Variants in SYN3 observed in about 807,000 individuals in gnomAD.
The protein encoded by SYN3 is synapsin-3.
SYN3 carries 35 observed loss-of-function variants against 65.8 expected under a neutral mutation model. That is an observed-to-expected ratio of 0.53 (90% CI 0.41 to 0.70). The LOEUF (loss-of-function observed/expected upper bound fraction) is 0.70, where lower values mean the gene tolerates loss of function less well. Among genes scored for constraint, SYN3 ranks in the 30% least tolerant of loss-of-function variants. SYN3 has a pLI of 0.00. For missense variants in SYN3, 680 were observed against 749.0 expected (o/e 0.91, Z 1.08); for synonymous variants, 270 against 292.9 (o/e 0.92, Z 0.80).
chr22:32,928,443 G>A (rs2050538416), intron 4 of SYN3, among the ~76,000 whole-genome samples: 2 of 152,218 alleles, frequency 1.3e-5, no homozygotes, highest in South Asian at 2.1e-4. Flanking sequence ...CTACAGTTGG[G>A]CAAAATCTTT....
In SYN3 at chr22:32,801,246, A is replaced by G. The variant is rs2046565146; in HGVS notation, c.711+63669T>C. 6.6e-6 allele frequency among the ~76,000 whole-genome samples: 1 copy of G among 152,220 alleles called. No individual in the cohort carries two copies. The highest frequency in any genetic ancestry group is 2.1e-4 in the South Asian group (1 of 4,836). On this transcript the variant is annotated intron_variant, in intron 6 of 13. Transcript: ENST00000358763. This position sits in a 1 kb window ranked among gnomAD's most constrained non-coding sequence, Gnocchi z 4.7. ...CTCTCTCCAGAGAAACTGGAGGGGT[A>G]GCAGTTAGCATTCCCCCGCTGGTTC...
chr22:32,783,672 C>T (rs1014477995), intron 6 of SYN3, among the ~76,000 whole-genome samples: 2 of 152,194 alleles, frequency 1.3e-5, no homozygotes, highest in Non-Finnish European at 2.9e-5. Flanking sequence ...CCTGCTCTCT[C>T]CTGCTAGGAG....
intron 6 of SYN3, among the ~76,000 whole-genome samples, chr22:32,826,243 A>G (rs1027390620): frequency 6.6e-6 from 1 of 152,154 alleles, no homozygotes; most frequent in Non-Finnish European, 1.5e-5. Context: ...AGGCTGGTCA[A>G]CATGGTGAAA....
At chr22:32,955,593 A>G (rs147577572) in intron 3 of SYN3, among the ~76,000 whole-genome samples, 1 of 152,330 alleles carries the variant, frequency 6.6e-6, no homozygotes, top group Non-Finnish European at 1.5e-5. Context: ...TAGTGGCATT[A>G]AGTACATTCA....
intron 2 of SYN3, among the ~76,000 whole-genome samples, chr22:32,991,338 AAAT>A (rs60884096): frequency 0.1 from 14,624 of 142,530 alleles, 1,103 homozygotes; most frequent in East Asian, 0.36. Context: ...ACTCCATCTC[AAAT>A]AATAATAATA....
intron 7 of SYN3, among the ~76,000 whole-genome samples, chr22:32,555,284 G>A (rs1047416920): frequency 2.6e-5 from 4 of 152,146 alleles, no homozygotes; most frequent in Non-Finnish European, 2.9e-5. Flanking sequence ...CTTGAAGAGG[G>A]GACATCCCAT....
chr22:32,785,525 T>C (rs2046171919), intron 6 of SYN3, among the ~76,000 whole-genome samples: 1 of 152,176 alleles, frequency 6.6e-6, no homozygotes, highest in Admixed American at 6.5e-5. Flanking sequence ...CTTGGCTTGC[T>C]CCCATTAGTG....
intron 6 of SYN3, among the ~76,000 whole-genome samples, chr22:32,684,031 A>G (rs954347300): frequency 6.6e-6 from 1 of 152,292 alleles, no homozygotes; most frequent in East Asian, 1.9e-4. Context: ...TAAAAGGAAC[A>G]ATTCCTATCC....
intron 7 of SYN3, among the ~76,000 whole-genome samples, chr22:32,579,469 G>T (rs2058903318): frequency 6.6e-6 from 1 of 152,154 alleles, no homozygotes; most frequent in South Asian, 2.1e-4. Flanking sequence ...CTACGTAAGG[G>T]CACTGATCCT....
At chr22:32,821,352 G>C (rs2047240967) in intron 6 of SYN3, among the ~76,000 whole-genome samples, 1 of 152,170 alleles carries the variant, frequency 6.6e-6, no homozygotes, top group South Asian at 2.1e-4. Context: ...CATTCTTTAC[G>C]TTCCATTGAA....
At position 32,923,505 on chromosome 22, in the gene SYN3, T is replaced by A. The variant is rs887737301; in HGVS notation, c.461+7885A>T. 3.3e-5 allele frequency among the ~76,000 whole-genome samples: 5 copies of A among 152,332 alleles called. No homozygotes were observed. In the East Asian group the frequency reaches 5.8e-4, roughly 18 times the overall value. On this transcript the variant is annotated intron_variant, in intron 4 of 13. Coordinates refer to ENST00000358763, the MANE Select transcript of SYN3 (RefSeq NM_003490.4). ...CTTGTGAGCAAGACTTCGGGAGATC[T>A]AGACCTTGGTCACAATGCATACTGG...
At chr22:32,601,944 CTTTTT>C (rs757479781) in intron 6 of SYN3, among the ~76,000 whole-genome samples, 13 of 136,830 alleles carry the variant, frequency 9.5e-5, no homozygotes, top group African/African-American at 1.8e-4. Context: ...CTTTTCTTTT[CTTTTT>C]TTTTTTTTGT....
chr22:32,873,077 A>C (rs2048893402), intron 4 of SYN3, among the ~76,000 whole-genome samples: 1 of 151,748 alleles, frequency 6.6e-6, no homozygotes, highest in Non-Finnish European at 1.5e-5. Flanking sequence ...CAGCCTCCCA[A>C]GTAGCTGGGA....
At chr22:32,840,729 G>A (rs1478850039) in intron 6 of SYN3, among the ~76,000 whole-genome samples, 1 of 152,138 alleles carries the variant, frequency 6.6e-6, no homozygotes, top group African/African-American at 2.4e-5. Flanking sequence ...AGGATGGGCT[G>A]AGGCTCAGAT....
chr22:32,515,967 T>G (rs2057765236), intron 13 of SYN3, among the ~76,000 whole-genome samples: 2 of 152,156 alleles, frequency 1.3e-5, no homozygotes, highest in East Asian at 3.9e-4. Context: ...CCTGGCTAAT[T>G]TTTTGTATTT....
intron 6 of SYN3, among the ~76,000 whole-genome samples, chr22:32,784,401 T>A (rs937369105): frequency 2.6e-5 from 4 of 152,192 alleles, no homozygotes; most frequent in African/African-American, 7.2e-5. Context: ...CCTGTGGAGA[T>A]AATCACATGG....
At chr22:32,785,955 C>T (rs1017226920) in intron 6 of SYN3, among the ~76,000 whole-genome samples, 1 of 151,586 alleles carries the variant, frequency 6.6e-6, no homozygotes, top group Non-Finnish European at 1.5e-5. Flanking sequence ...GAGACTTGGC[C>T]TGAGAAGAAG....
At chr22:32,519,144 C>T (rs916031568) in intron 12 of SYN3, among the ~76,000 whole-genome samples, 60 of 151,950 alleles carry the variant, frequency 3.9e-4, no homozygotes, top group African/African-American at 1.4e-3. Context: ...TTGTTTAAGG[C>T]CCCCCCAGTC....
intron 6 of SYN3, among the ~76,000 whole-genome samples, chr22:32,779,729 A>T (rs1329916104): frequency 2.0e-5 from 3 of 152,242 alleles, no homozygotes; most frequent in Admixed American, 6.5e-5. Context: ...CAGTCTCCCC[A>T]GGGGATGCAT....
Sources: allele counts gnomAD v4.1 joint callset (sites outside exome capture counted in the v4.1 genomes callset), GRCh38; gene constraint gnomAD v4.1.1; non-coding constraint Gnocchi (gnomAD v3.1); transcripts MANE v1.5; gene names NCBI Gene and HGNC (gene_info 2026-07-23, HGNC 2026-07-21).